Variants in NOL11 observed in about 807,000 individuals in gnomAD.
NOL11 encodes the protein nucleolar protein 11.
NOL11 carries 42 observed loss-of-function variants against 93.0 expected under a neutral mutation model. That is an observed-to-expected ratio of 0.45 (90% CI 0.35 to 0.58). The LOEUF (loss-of-function observed/expected upper bound fraction) is 0.58. Among genes scored for constraint, NOL11 ranks in the 20% least tolerant of loss-of-function variants. The probability of loss-of-function intolerance (pLI) is 0.00; values close to 1 mark genes in which losing one functional copy is unlikely to be tolerated. For missense variants in NOL11, 775 were observed against 841.8 expected, an observed-to-expected ratio of 0.92 and a Z score of 0.98; for synonymous variants, 296 against 293.7, an observed-to-expected ratio of 1.01 and a Z score of -0.08.
intron 7 of NOL11, among the ~76,000 whole-genome samples, chr17:67,729,579 C>G (rs999540820): frequency 4.0e-5 from 6 of 151,360 alleles, no homozygotes; most frequent in Admixed American, 2.0e-4. Flanking sequence ...TGAAATCATA[C>G]AATACTTTTT....
At chr17:67,727,752 C>A (rs2055110176) in intron 7 of NOL11, among the ~76,000 whole-genome samples, 2 of 151,090 alleles carry the variant, frequency 1.3e-5, no homozygotes, top group East Asian at 2.0e-4. Flanking sequence ...TTGCTTGAGG[C>A]CAGGAGTTCG....
rs1979498 is a variant in NOL11 at position 67,744,503 on chromosome 17, G to T, written c.*644G>T. 130,887 of 152,264 alleles carry T rather than the reference G, an allele frequency of 0.86. 56,353 individuals carry two copies. The highest frequency in any genetic ancestry group is 0.95 in the East Asian group (4,954 of 5,188). The allele number at this position is 152,264 out of a possible 1,614,324, so 9.4% of individuals were successfully genotyped here. A position where few individuals can be genotyped will look rare whatever the true frequency, so the allele number is the denominator to read the frequency against. On this transcript the variant is annotated 3_prime_UTR_variant, in exon 18 of 18. Transcript: ENST00000253247. ...CTGTATGTAAACTTTAGTCACACAT[G>T]TGGCCGTTAATAAACAGGTTCTCCT...
chr17:67,730,121 G>GTA (rs1340173357), intron 7 of NOL11, among the ~76,000 whole-genome samples: 2 of 151,976 alleles, frequency 1.3e-5, no homozygotes, highest in Admixed American at 1.3e-4. Context: ...ATATTCCATT[G>GTA]TATATATATA....
intron 6 of NOL11, among the ~76,000 whole-genome samples, 173 bp from the exon 7 acceptor site, chr17:67,726,287 C>T (rs1167192962): frequency 6.6e-6 from 1 of 152,034 alleles, no homozygotes; most frequent in African/African-American, 2.4e-5. Flanking sequence ...ACTTCTTTCC[C>T]CAGTTTAAAT....
chr17:67,719,767 G>A lies in NOL11; in HGVS notation c.235G>A (p.Val79Ile), dbSNP rs2043203770. ...AVCNFQTGEYVVVHDNKVLRI... is the reference protein window; with the variant it reads ...AVCNFQTGEYIVVHDNKVLRI... ...GTGCAACTTTCAAACTGGAGAGTAT[G>A]TTGTTGTACACGATAATAAGGTGAG... is the stretch of plus-strand genomic sequence containing the variant. Residue 79 changes from valine to isoleucine, a missense_variant, in exon 2 of 18, where the codon GTT (valine) becomes ATT (isoleucine). Around this residue, in one of 2 missense-constraint regions of NOL11, gnomAD observed 359 missense variants for 316.5 expected, o/e 1.13. Coordinates refer to ENST00000253247, the MANE Select transcript of NOL11 (RefSeq NM_015462.5). The A allele has an allele frequency of 6.2e-7, 1 of 1,605,528 alleles. No individual in the cohort carries two copies. Among genetic ancestry groups the A allele is most frequent in the Middle Eastern group, 2.2e-4 (1 of 4,524 alleles).
At chr17:67,725,794 A>G (rs1381741190) in intron 6 of NOL11, among the ~76,000 whole-genome samples, 2 of 152,200 alleles carry the variant, frequency 1.3e-5, no homozygotes, top group Admixed American at 6.5e-5. Flanking sequence ...GAAGAATTAT[A>G]ATAAACTAAG....
rs2055151928 is a variant in NOL11 at position 67,731,253 on chromosome 17, T to A, written c.854-3110T>A. 7.9e-4 allele frequency among the ~76,000 whole-genome samples: 2 copies of A among 2,546 alleles called. 1 individual carries two copies. The highest frequency in any genetic ancestry group is 0.036 in the East Asian group (2 of 56). The allele number at this position is 2,546 out of a possible 152,430, so 1.7% of individuals were successfully genotyped here. A position where few individuals can be genotyped will look rare whatever the true frequency, so the allele number is the denominator to read the frequency against. ...ATAATGTCCCTTCGTGCACAAAAGT[T>A]TTTTTTTTTTTTTTTTTTTTTTTTT... On this transcript the variant is annotated intron_variant, in intron 7 of 17. Transcript: ENST00000253247.
intron 16 of NOL11, among the ~76,000 whole-genome samples, chr17:67,742,442 A>G (rs2055265060): frequency 1.3e-5 from 2 of 152,176 alleles, no homozygotes; most frequent in African/African-American, 4.8e-5. Flanking sequence ...GCCTTTTTCT[A>G]TCAAATGCAT....
At chr17:67,738,678 TA>T (rs201285179) in intron 14 of NOL11, 68,610 of 351,256 alleles carry the variant, frequency 0.2, 355 homozygotes, top group East Asian at 0.38. Flanking sequence ...ACATCAGATT[TA>T]AAAAAAAAAA....
rs2055255218 is a variant in NOL11, at chr17:67,741,351, T to G, written c.1935+1743T>G. On this transcript the variant is annotated intron_variant, in intron 16 of 17. Transcript: ENST00000253247. ...TCCCAAAGTGCTAGGATTACAGGTG[T>G]AAGCTACCGTGCCCGGGCAAACTAC... Among the ~76,000 whole-genome samples, 4 of 152,176 alleles carry G rather than the reference T, an allele frequency of 2.6e-5. No individual in the cohort carries two copies. The South Asian group carries it at 8.3e-4, about 32-fold the overall frequency.
chr17:67,722,585 C>G lies in NOL11; in HGVS notation c.467C>G (p.Thr156Arg). Residue 156 changes from threonine to arginine, a missense_variant, in exon 5 of 18, where the codon ACA (threonine) becomes AGA (arginine). Transcript: ENST00000253247. ...VISDEEVIKWTKFFVVFRHPV... is the reference protein window; with the variant it reads ...VISDEEVIKWRKFFVVFRHPV... ...TCTTTTTTCTTTTTTTGTAGATGGA[C>G]AAAGTTTTTCGTAGTATTCAGACAT... 1.3e-6 allele frequency: 2 copies of G among 1,567,950 alleles called. No individual in the cohort carries two copies. The highest frequency in any genetic ancestry group is 1.7e-6 in the Non-Finnish European group (2 of 1,165,302).
intron 7 of NOL11, among the ~76,000 whole-genome samples, chr17:67,733,054 T>G (rs2055169209): frequency 6.6e-6 from 1 of 152,018 alleles, no homozygotes; most frequent in African/African-American, 2.4e-5. Flanking sequence ...GTAGAGTTAG[T>G]TTTACCTCCA....
intron 14 of NOL11, chr17:67,738,607 G>A (rs2055225949): frequency 4.2e-6 from 2 of 474,948 alleles, no homozygotes; most frequent in African/African-American, 2.0e-5. Flanking sequence ...CGAGGTGGGA[G>A]GATTGTCTGA....
At position 67,718,079 on chromosome 17, in the gene NOL11, C is replaced by T. The variant is rs2043189286; in HGVS notation, c.132C>T (p.Ile44=). The T allele has an allele frequency of 1.2e-6, 2 of 1,614,058 alleles. No individual in the cohort carries two copies. The highest frequency in any genetic ancestry group is 1.1e-5 in the South Asian group (1 of 91,090). ...FLVTDSGRTV[I]LYKVSDQKPL... Reference sequence around the variant, plus strand: ...TGACAGACAGCGGCAGGACAGTCATCCTCTATAAGGTGAAGGCAATAGGTT... The same window carrying T: ...TGACAGACAGCGGCAGGACAGTCATTCTCTATAAGGTGAAGGCAATAGGTT... Residue 44 remains isoleucine (I), a synonymous_variant, in exon 1 of 18, where the codon ATC becomes ATT. Transcript: ENST00000253247.
Position 67,739,003 on chromosome 17 carries a change from A to G in NOL11, c.1835A>G (p.His612Arg). ...LPHLKDIPAQ[H>R]ITLFLKYLYF... ...CATTTGAAAGACATCCCAGCACAGC[A>G]TATCACGGTAAGTGTTCATACAAGT... Residue 612 changes from histidine to arginine, a missense_variant, in exon 15 of 18, where the codon CAT becomes CGT. By Grantham distance (29) the His-to-Arg change is conservative. Coordinates refer to ENST00000253247, the MANE Select transcript of NOL11 (RefSeq NM_015462.5). The G allele has an allele frequency of 6.2e-7, 1 of 1,606,318 alleles. No individual in the cohort carries two copies. The highest frequency in any genetic ancestry group is 1.7e-5 in the Admixed American group (1 of 59,824).
intron 10 of NOL11, 32 bp from the exon 11 acceptor site, chr17:67,737,039 T>C: frequency 2.2e-6 from 3 of 1,363,548 alleles, no homozygotes; most frequent in Non-Finnish European, 3.1e-6. Context: ...CTTATATTGT[T>C]TTGTGATCCT....
chr17:67,730,863 C>A (rs945836378), intron 7 of NOL11, among the ~76,000 whole-genome samples: 1 of 152,132 alleles, frequency 6.6e-6, no homozygotes, highest in Non-Finnish European at 1.5e-5. Context: ...CCACAGTGGC[C>A]GAACCATTTT....
At chr17:67,742,502 C>G (rs980371672) in intron 16 of NOL11, among the ~76,000 whole-genome samples, 2 of 152,042 alleles carry the variant, frequency 1.3e-5, no homozygotes, top group Non-Finnish European at 2.9e-5. Flanking sequence ...TTGACAGATA[C>G]TTTTTCATGC....
intron 4 of NOL11, 67 bp from the exon 5 acceptor site, chr17:67,722,513 G>C: frequency 6.6e-7 from 1 of 1,514,688 alleles, no homozygotes; most frequent in African/African-American, 1.4e-5. Context: ...ATTAAATTTT[G>C]ATTGATATGT....
Sources: allele counts gnomAD v4.1 joint callset (sites outside exome capture counted in the v4.1 genomes callset), GRCh38; gene constraint gnomAD v4.1.1; regional missense constraint gnomAD v4.1.1; transcripts MANE v1.5; gene names NCBI Gene and HGNC (gene_info 2026-07-23, HGNC 2026-07-21).